The following TTC27 variants were observed in gnomAD, a reference collection of about 807,000 sequenced individuals.
TTC27 encodes tetratricopeptide repeat protein 27.
Under a neutral mutation model 115.9 loss-of-function variants are expected in TTC27, and 79 were observed. That is an observed-to-expected ratio of 0.68 (90% CI 0.57 to 0.82). TTC27 has a LOEUF of 0.82. Among genes scored for constraint, TTC27 ranks in the 40% least tolerant of loss-of-function variants. The probability of loss-of-function intolerance (pLI) is 0.00; values close to 1 mark genes in which losing one functional copy is unlikely to be tolerated. For missense variants in TTC27, 1,054 were observed against 993.1 expected, an observed-to-expected ratio of 1.06 and a Z score of -0.82; for synonymous variants, 401 against 356.0, an observed-to-expected ratio of 1.13 and a Z score of -1.42.
At chr2:32,702,010 CAAAAA>C (rs752550794) in intron 9 of TTC27, among the ~76,000 whole-genome samples, 2,642 of 48,074 alleles carry the variant, frequency 0.055, 37 homozygotes, top group Non-Finnish European at 0.086. Flanking sequence ...GATCCTGTCT[CAAAAA>C]AAAAAAAAAA....
intron 15 of TTC27, among the ~76,000 whole-genome samples, chr2:32,783,115 T>C (rs893862036): frequency 1.1e-4 from 16 of 152,306 alleles, no homozygotes; most frequent in African/African-American, 2.6e-4. Flanking sequence ...CGCCATCTTA[T>C]TTAAAAAATT....
chr2:32,633,742 G>A, intron 2 of TTC27, 134 bp from the exon 3 acceptor site: 2 of 967,626 alleles, frequency 2.1e-6, no homozygotes, highest in East Asian at 3.1e-5. Context: ...TTTTTTTTTT[G>A]GTAATACTCT....
At chr2:32,676,370 T>C (rs1666205427) in intron 8 of TTC27, among the ~76,000 whole-genome samples, 1 of 152,076 alleles carries the variant, frequency 6.6e-6, no homozygotes, top group Admixed American at 6.6e-5. Flanking sequence ...TTTCCAACAA[T>C]AAAAATCGGT....
At chr2:32,809,443 G>A (rs145548710) in intron 16 of TTC27, among the ~76,000 whole-genome samples, 54 of 152,322 alleles carry the variant, frequency 3.5e-4, no homozygotes, top group Admixed American at 2.9e-3. Flanking sequence ...GCTTCTCGAA[G>A]TGTGCCCTGC....
At chr2:32,715,938 C>T (rs1667740515) in intron 10 of TTC27, among the ~76,000 whole-genome samples, 4 of 85,572 alleles carry the variant, frequency 4.7e-5, no homozygotes, top group East Asian at 3.2e-4. Context: ...ACCAGGTCCA[C>T]GGTCAGTAGT....
At chr2:32,760,552 C>T (rs1572586652) in intron 13 of TTC27, among the ~76,000 whole-genome samples, 1 of 152,172 alleles carries the variant, frequency 6.6e-6, no homozygotes, top group Non-Finnish European at 1.5e-5. Flanking sequence ...AGAAACCCTC[C>T]TCTAACTTGA....
At chr2:32,775,684 A>G (rs1032957967) in intron 13 of TTC27, among the ~76,000 whole-genome samples, 2 of 152,174 alleles carry the variant, frequency 1.3e-5, no homozygotes, top group Non-Finnish European at 2.9e-5. Flanking sequence ...CTAAGATGCC[A>G]TCGGTTGTAA....
intron 16 of TTC27, among the ~76,000 whole-genome samples, chr2:32,800,171 A>G (rs1194357664): frequency 6.6e-6 from 1 of 152,238 alleles, no homozygotes; most frequent in African/African-American, 2.4e-5. Context: ...CCTGGCAGAT[A>G]CATACAAGTG....
Position 32,758,495 on chromosome 2 carries a change from C to G in TTC27, c.1656C>G (p.Arg552=). Residue 552 remains arginine, a synonymous_variant, in exon 13 of 20, where the codon CGC becomes CGG. Transcript: ENST00000317907. ...AAGAGTGTGTAGAGTGCTTCGAACG[C>G]TCGGTTAAGATTAATCCCATGCAGG... ...EFQECVECFE[R]SVKINPMQLG... The G allele has an allele frequency of 3.7e-6, 6 of 1,614,166 alleles. No individual in the cohort carries two copies. Among genetic ancestry groups the G allele is most frequent in the Non-Finnish European group, 5.1e-6 (6 of 1,180,008 alleles).
At chr2:32,778,827 A>G (rs777615505) in intron 14 of TTC27, among the ~76,000 whole-genome samples, 4 of 152,238 alleles carry the variant, frequency 2.6e-5, no homozygotes, top group Non-Finnish European at 5.9e-5. Context: ...TGAGACCAAC[A>G]TATGTTTCCA....
chr2:32,648,506 G>T (rs1265128448), intron 4 of TTC27, among the ~76,000 whole-genome samples: 1 of 144,196 alleles, frequency 6.9e-6, no homozygotes, highest in Non-Finnish European at 1.5e-5. Context: ...CAAACTCCTA[G>T]CCTCGAGTGA....
At chr2:32,648,950 T>G (rs1455742359) in intron 4 of TTC27, among the ~76,000 whole-genome samples, 1 of 152,100 alleles carries the variant, frequency 6.6e-6, no homozygotes, top group Non-Finnish European at 1.5e-5. Context: ...AGGTCCAGGC[T>G]GCAGTGAGCT....
In TTC27 at chr2:32,665,564, T is replaced by A. The variant is rs148542919; in HGVS notation, c.806-1071T>A. On this transcript the variant is annotated intron_variant, in intron 6 of 19. Transcript: ENST00000317907. The stretch of plus-strand genomic sequence containing the variant: ...GATGTTCACAAATATGAGAATCAGG[T>A]TATTCTTTTTTTCCACTCATCTATA... Among the ~76,000 whole-genome samples, 511 of 152,274 alleles carry A rather than the reference T, an allele frequency of 3.4e-3. 3 individuals carry two copies. Among genetic ancestry groups the A allele is most frequent in the Non-Finnish European group, 5.9e-3 (398 of 68,020 alleles).
chr2:32,719,801 G>A (rs1031181704), intron 10 of TTC27, among the ~76,000 whole-genome samples: 6 of 152,104 alleles, frequency 3.9e-5, no homozygotes, highest in African/African-American at 1.2e-4. Context: ...ATGCCTTCCT[G>A]TGGAGGCACA....
At chr2:32,634,227 C>T (rs923400772) in intron 3 of TTC27, among the ~76,000 whole-genome samples, 2 of 151,978 alleles carry the variant, frequency 1.3e-5, no homozygotes, top group African/African-American at 4.8e-5. Flanking sequence ...GCTGTGTTAG[C>T]TGTGTTTTTT....
chr2:32,724,222 C>CA (rs1668035832), intron 10 of TTC27, among the ~76,000 whole-genome samples: 1 of 152,010 alleles, frequency 6.6e-6, no homozygotes, highest in African/African-American at 2.4e-5. Flanking sequence ...TTTACTAATC[C>CA]TAAGGCAGCA....
intron 10 of TTC27, among the ~76,000 whole-genome samples, chr2:32,713,545 T>A (rs1667654215): frequency 6.6e-6 from 1 of 152,188 alleles, no homozygotes; most frequent in Non-Finnish European, 1.5e-5. Context: ...TGAAGTTCTG[T>A]CCCTGTCCAA....
rs1572451542 is a variant in TTC27, at chr2:32,628,111, G to A, written c.-182G>A. 1 of 583,914 alleles carries A rather than the reference G, an allele frequency of 1.7e-6. No homozygotes were observed. 36.2% of individuals were successfully genotyped at this position (583,914 alleles called of 1,614,324 possible). On this transcript the variant is annotated 5_prime_UTR_variant, in exon 1 of 20. Transcript: ENST00000317907. ...TGTTTTTCCCAGGGTGCCCCGCGCT[G>A]CTGTTATGGCCGCCTCCTTGAGGTA... is the stretch of plus-strand genomic sequence containing the variant.
chr2:32,665,577 C>G (rs1665741635), intron 6 of TTC27, among the ~76,000 whole-genome samples: 1 of 151,962 alleles, frequency 6.6e-6, no homozygotes, highest in Non-Finnish European at 1.5e-5. Context: ...TTCTTTTTTT[C>G]CACTCATCTA....
Sources: allele counts gnomAD v4.1 joint callset (sites outside exome capture counted in the v4.1 genomes callset), GRCh38; gene constraint gnomAD v4.1.1; transcripts MANE v1.5; gene names NCBI Gene and HGNC (gene_info 2026-07-23, HGNC 2026-07-21).